Variants in CHCHD3 observed in about 807,000 individuals in gnomAD.
CHCHD3 encodes the protein MICOS complex subunit MIC19.
CHCHD3 carries 20 observed loss-of-function variants against 38.2 expected under a neutral mutation model. The ratio of observed to expected loss-of-function variants is 0.52; its 90% CI spans 0.37 to 0.76. The LOEUF (loss-of-function observed/expected upper bound fraction) is 0.76, where lower values mean the gene tolerates loss of function less well. Among genes scored for constraint, CHCHD3 ranks in the 30% least tolerant of loss-of-function variants. CHCHD3 has a pLI of 0.00. For synonymous variants in CHCHD3, 82 were observed against 100.0 expected (o/e 0.82, Z 1.07); for missense variants, 245 against 279.2 (o/e 0.88, Z 0.87).
intron 4 of CHCHD3, among the ~76,000 whole-genome samples, chr7:132,912,522 C>T (rs548028240): frequency 6.6e-6 from 1 of 152,208 alleles, no homozygotes; most frequent in South Asian, 2.1e-4. Flanking sequence ...TTACTTTAAC[C>T]TCTCTGTGTG....
intron 2 of CHCHD3, among the ~76,000 whole-genome samples, chr7:133,034,058 G>A (rs375574950): frequency 8.2e-4 from 125 of 152,196 alleles, no homozygotes; most frequent in Non-Finnish European, 1.6e-3. Context: ...TCAGATTACC[G>A]TCTTTAAGAG....
intron 3 of CHCHD3, among the ~76,000 whole-genome samples, chr7:132,978,801 G>A (rs1811841471): frequency 6.6e-6 from 1 of 152,210 alleles, no homozygotes; most frequent in African/African-American, 2.4e-5. Context: ...TGGATTGAAA[G>A]AGGATTGGCA....
chr7:132,884,964 A>C (rs148980794), intron 5 of CHCHD3, among the ~76,000 whole-genome samples: 1 of 152,224 alleles, frequency 6.6e-6, no homozygotes, highest in African/African-American at 2.4e-5. Context: ...GAAAGAAGAT[A>C]TATCCTGCCA....
chr7:132,924,941 A>G (rs1810340468), intron 4 of CHCHD3, among the ~76,000 whole-genome samples: 1 of 152,176 alleles, frequency 6.6e-6, no homozygotes, highest in Non-Finnish European at 1.5e-5. Flanking sequence ...CCAGAACTGA[A>G]AAGAACTGCT....
At chr7:132,808,173 C>G (rs1806980570) in intron 6 of CHCHD3, among the ~76,000 whole-genome samples, 1 of 152,186 alleles carries the variant, frequency 6.6e-6, no homozygotes. Flanking sequence ...AGAAAAGACA[C>G]AGAGAAACCA....
intron 6 of CHCHD3, among the ~76,000 whole-genome samples, chr7:132,797,953 C>A (rs1208671925): frequency 6.6e-6 from 1 of 152,052 alleles, no homozygotes; most frequent in Non-Finnish European, 1.5e-5. Context: ...AGTCTTATCA[C>A]TTCTATTTTT....
chr7:132,992,146 A>G (rs946731451), intron 3 of CHCHD3, among the ~76,000 whole-genome samples: 13 of 152,130 alleles, frequency 8.5e-5, no homozygotes, highest in Admixed American at 2.0e-4. Flanking sequence ...GCTGTTTCCC[A>G]TTTGCTTCCT....
intron 6 of CHCHD3, among the ~76,000 whole-genome samples, chr7:132,815,233 C>G (rs949137603): frequency 6.6e-6 from 1 of 152,180 alleles, no homozygotes; most frequent in Admixed American, 6.5e-5. Context: ...ACAGATGGAG[C>G]ATTTCCTTCT....
chr7:132,879,131 T>A (rs554111509), intron 5 of CHCHD3, among the ~76,000 whole-genome samples: 2 of 152,316 alleles, frequency 1.3e-5, no homozygotes, highest in East Asian at 3.9e-4. Context: ...TTATATGCCA[T>A]GGAAAACTAA....
At chr7:132,961,111 T>C (rs899191867) in intron 4 of CHCHD3, among the ~76,000 whole-genome samples, 4 of 152,070 alleles carry the variant, frequency 2.6e-5, no homozygotes, top group Non-Finnish European at 4.4e-5. Context: ...AGACCTCATC[T>C]CTACAAAAGA....
chr7:132,922,841 T>C (rs1352998970), intron 4 of CHCHD3, among the ~76,000 whole-genome samples: 1 of 152,172 alleles, frequency 6.6e-6, no homozygotes, highest in Non-Finnish European at 1.5e-5. Context: ...AAGCAACTAC[T>C]TCTTACTTTT....
intron 4 of CHCHD3, among the ~76,000 whole-genome samples, chr7:132,904,427 G>C (rs1483515506): frequency 6.6e-6 from 1 of 152,124 alleles, no homozygotes; most frequent in African/African-American, 2.4e-5. Context: ...ACATTTTAAA[G>C]TTAGCATACT....
At chr7:132,834,363 G>A (rs1017360793) in intron 6 of CHCHD3, among the ~76,000 whole-genome samples, 1 of 152,026 alleles carries the variant, frequency 6.6e-6, no homozygotes, top group African/African-American at 2.4e-5. Context: ...GAAGTAGCTG[G>A]GAGAAAAAAC....
chr7:132,953,585 A>G (rs901850883), intron 4 of CHCHD3, among the ~76,000 whole-genome samples: 7 of 152,188 alleles, frequency 4.6e-5, no homozygotes, highest in Non-Finnish European at 8.8e-5. Flanking sequence ...TCTCCCTGCC[A>G]GCTATCCTGG....
At chr7:133,020,418 G>T (rs886993750) in intron 3 of CHCHD3, among the ~76,000 whole-genome samples, 1 of 152,116 alleles carries the variant, frequency 6.6e-6, no homozygotes, top group Admixed American at 6.6e-5. Context: ...CAGTTTCGAT[G>T]ATTTTGAATG....
intron 3 of CHCHD3, among the ~76,000 whole-genome samples, chr7:132,975,948 T>G (rs571957215): frequency 2.1e-5 from 3 of 143,562 alleles, no homozygotes; most frequent in Admixed American, 7.1e-5. Context: ...AAAAGCCATC[T>G]ACATGACAAA....
chr7:132,850,437 G>GGT (rs1219493806), intron 5 of CHCHD3, among the ~76,000 whole-genome samples: 5 of 76,420 alleles, frequency 6.5e-5, no homozygotes, highest in African/African-American at 3.0e-4. Flanking sequence ...TAGAGTCTCA[G>GGT]GTTTTTTTTT....
chr7:132,826,971 A>C (rs1207036739), intron 6 of CHCHD3, among the ~76,000 whole-genome samples: 1 of 152,202 alleles, frequency 6.6e-6, no homozygotes, highest in Non-Finnish European at 1.5e-5. Context: ...TAAATGAAAT[A>C]CAAGCAAGAT....
intron 4 of CHCHD3, among the ~76,000 whole-genome samples, chr7:132,956,890 A>G (rs1369687278): frequency 1.3e-5 from 2 of 152,218 alleles, no homozygotes; most frequent in East Asian, 1.9e-4. Context: ...ATTAGGCAGA[A>G]AACAGGAGAG....
Sources: allele counts gnomAD v4.1 joint callset (sites outside exome capture counted in the v4.1 genomes callset), GRCh38; gene constraint gnomAD v4.1.1; transcripts MANE v1.5; gene names NCBI Gene and HGNC (gene_info 2026-07-23, HGNC 2026-07-21).